The following WDR17 variants were observed in gnomAD, a reference collection of about 807,000 sequenced individuals.
WDR17 encodes the protein WD repeat-containing protein 17.
A neutral mutation model predicts 161.7 loss-of-function variants in WDR17; 143 were observed. The observed-to-expected ratio is 0.88, with a 90% CI of 0.77 to 1.02. WDR17 has a LOEUF of 1.02. WDR17 is among the 50% of genes least tolerant of loss of function. The pLI is 0.00. For missense variants in WDR17, 1,469 were observed against 1,520.9 expected, an observed-to-expected ratio of 0.97 and a Z score of 0.57; for synonymous variants, 517 against 515.6, an observed-to-expected ratio of 1.00 and a Z score of -0.04.
chr4:176,164,692 CT>C (rs1749513405), intron 22 of WDR17, among the ~76,000 whole-genome samples: 3 of 152,140 alleles, frequency 2.0e-5, no homozygotes, highest in Admixed American at 1.3e-4. Context: ...TTACATTCTT[CT>C]TTTTTGTCTG....
intron 11 of WDR17, among the ~76,000 whole-genome samples, chr4:176,143,967 A>C (rs1183527399): frequency 1.3e-5 from 2 of 150,184 alleles, no homozygotes; most frequent in African/African-American, 4.9e-5. Context: ...GCACTACAAG[A>C]AGGTCCCTGA....
rs746193034 is a variant in WDR17 at position 176,168,654 on chromosome 4, C to T, written c.2991-18C>T. 2.5e-6 allele frequency: 4 copies of T among 1,612,904 alleles called. No individual in the cohort carries two copies. Among genetic ancestry groups the T allele is most frequent in the South Asian group, 1.1e-5 (1 of 90,862 alleles). On this transcript the variant is annotated intron_variant, in intron 22 of 28. Coordinates refer to ENST00000508596, the MANE Select transcript of WDR17 (RefSeq NM_181265.4). The stretch of plus-strand genomic sequence containing the variant: ...AATCTTCTCCTCAATGAAGTGTCCC[C>T]TTTTGTTACGTTAACAGGAATTTGG...
intron 18 of WDR17, among the ~76,000 whole-genome samples, chr4:176,158,027 G>C (rs568978835): frequency 1.2e-4 from 18 of 152,320 alleles, no homozygotes; most frequent in Non-Finnish European, 2.5e-4. Context: ...AAAGTGAAAA[G>C]GTAGGCCCAA....
At chr4:176,119,681 A>G (rs1741228820) in intron 3 of WDR17, among the ~76,000 whole-genome samples, 186 bp from the exon 4 acceptor site, 1 of 152,198 alleles carries the variant, frequency 6.6e-6, no homozygotes, top group Admixed American at 6.6e-5. Context: ...TTCTTTCATC[A>G]TGGACTTTCC....
At chr4:176,110,699 G>A (rs1739565834) in intron 1 of WDR17, among the ~76,000 whole-genome samples, 1 of 152,126 alleles carries the variant, frequency 6.6e-6, no homozygotes. Flanking sequence ...TAGATTCATA[G>A]CATTTTTTTG....
chr4:176,111,417 T>C, intron 1 of WDR17, 158 bp from the exon 2 acceptor site: 1 of 632,886 alleles, frequency 1.6e-6, no homozygotes, highest in Non-Finnish European at 2.4e-6. Context: ...TTTAGGGAGT[T>C]CAACTGCTGT....
At chr4:176,149,714 G>A in intron 13 of WDR17, 93 bp from the exon 14 acceptor site, 1 of 1,493,090 alleles carries the variant, frequency 6.7e-7, no homozygotes, top group South Asian at 1.2e-5. Flanking sequence ...TTTCTTCATA[G>A]CTTCAATTCT....
intron 28 of WDR17, among the ~76,000 whole-genome samples, chr4:176,178,862 A>G (rs1315169455): frequency 6.6e-6 from 1 of 152,244 alleles, no homozygotes; most frequent in East Asian, 1.9e-4. Context: ...TATCAGAGCT[A>G]GGTAATATAG....
At position 176,177,161 on chromosome 4, in the gene WDR17, G is replaced by A; in HGVS notation, c.3548+5G>A. On this transcript the variant is annotated splice_donor_5th_base_variant and intron_variant, in intron 27 of 28. Coordinates refer to ENST00000508596, the MANE Select transcript of WDR17 (RefSeq NM_181265.4). ...TTGCACACAGTCCACCAACAGGTGA[G>A]CAAATATGATATAAAAATTGGAATG... 1 of 1,609,542 alleles carries A rather than the reference G, an allele frequency of 6.2e-7. No individual in the cohort carries two copies. The highest frequency in any genetic ancestry group is 2.2e-5 in the East Asian group (1 of 44,804).
chr4:176,084,315 A>T (rs1045196401), intron 1 of WDR17, among the ~76,000 whole-genome samples: 3 of 152,134 alleles, frequency 2.0e-5, no homozygotes, highest in Non-Finnish European at 4.4e-5. Context: ...GTGTGCAAAG[A>T]ACACACAGCA....
intron 6 of WDR17, among the ~76,000 whole-genome samples, chr4:176,129,937 T>A (rs1743087063): frequency 6.6e-6 from 1 of 151,490 alleles, no homozygotes; most frequent in Admixed American, 6.6e-5. Flanking sequence ...TGTCATGGAA[T>A]GTCTGAAATA....
chr4:176,073,732 G>C (rs1205922260), intron 1 of WDR17, among the ~76,000 whole-genome samples: 1 of 150,378 alleles, frequency 6.6e-6, no homozygotes, highest in South Asian at 2.1e-4. Flanking sequence ...CAGTGTAAAA[G>C]TGTTCCTATT....
At chr4:176,090,162 T>C (rs1171942583) in intron 1 of WDR17, among the ~76,000 whole-genome samples, 1 of 151,598 alleles carries the variant, frequency 6.6e-6, no homozygotes, top group Non-Finnish European at 1.5e-5. Context: ...GGTGTTTGGA[T>C]CATGGAGGCA....
At chr4:176,078,816 A>G (rs1734385535) in intron 1 of WDR17, among the ~76,000 whole-genome samples, 1 of 152,090 alleles carries the variant, frequency 6.6e-6, no homozygotes, top group South Asian at 2.1e-4. Flanking sequence ...CATGCAATAT[A>G]GAGTAATCAA....
In WDR17 at chr4:176,087,624, A is replaced by T. The variant is rs534893983; in HGVS notation, c.-7+21545A>T. ...TCCTTCTTATACTACTCTTACATAC[A>T]TGTTTAACTTTTCAGCATACCTTAT... On this transcript the variant is annotated intron_variant, in intron 1 of 28. Coordinates refer to ENST00000508596, the MANE Select transcript of WDR17 (RefSeq NM_181265.4). Among the ~76,000 whole-genome samples the T allele has an allele frequency of 3.9e-5, 6 of 152,026 alleles. No individual in the cohort carries two copies. In the South Asian group the frequency reaches 1.2e-3, roughly 32 times the overall value.
chr4:176,118,829 C>T (rs1275103287), intron 3 of WDR17, among the ~76,000 whole-genome samples: 5 of 151,712 alleles, frequency 3.3e-5, no homozygotes, highest in Admixed American at 2.6e-4. Context: ...GGCATGGTGG[C>T]GGGCGCCTGT....
intron 22 of WDR17, among the ~76,000 whole-genome samples, chr4:176,165,099 G>A (rs567360545): frequency 6.6e-6 from 1 of 151,852 alleles, no homozygotes; most frequent in East Asian, 1.9e-4. Flanking sequence ...GGCCAAGGTG[G>A]GTGGATCACC....
intron 3 of WDR17, among the ~76,000 whole-genome samples, chr4:176,118,586 C>G (rs1741024491): frequency 6.6e-6 from 1 of 152,044 alleles, no homozygotes; most frequent in African/African-American, 2.4e-5. Flanking sequence ...CAGCGAATTT[C>G]CACTCTGTGT....
chr4:176,109,821 A>G (rs1024525852), intron 1 of WDR17, among the ~76,000 whole-genome samples: 1 of 152,178 alleles, frequency 6.6e-6, no homozygotes, highest in African/African-American at 2.4e-5. Flanking sequence ...TTATGTGTGT[A>G]GGTTTTGTAT....
Sources: gnomAD v4.1 joint callset for allele counts (sites outside exome capture counted in the v4.1 genomes callset) on GRCh38, gnomAD v4.1.1 for gene constraint, MANE v1.5 for transcripts, NCBI Gene and HGNC (gene_info 2026-07-23, HGNC 2026-07-21) for gene names.